The following PCSK5 variants were observed in gnomAD, a reference collection of about 807,000 sequenced individuals.
The protein encoded by PCSK5 is proprotein convertase subtilisin/kexin type 5, also known as prohormone convertase 5.
In PCSK5, 129 loss-of-function variants were observed where a neutral mutation model predicts 233.2. The observed-to-expected ratio is 0.55, with a 90% CI of 0.48 to 0.64. PCSK5 has a LOEUF of 0.64. PCSK5 is among the 30% of genes least tolerant of loss of function. The pLI is 0.00. For missense variants in PCSK5, 2,076 were observed against 2,430.1 expected (o/e 0.85, Z 3.06); for synonymous variants, 825 against 879.2 (o/e 0.94, Z 1.09).
chr9:76,031,672 G>C (rs1245694822), intron 5 of PCSK5, among the ~76,000 whole-genome samples: 1 of 152,194 alleles, frequency 6.6e-6, no homozygotes, highest in East Asian at 1.9e-4. Context: ...CTGGGCGAAA[G>C]AGCGAGACCC....
chr9:76,358,437 C>A (rs932718758), intron 37 of PCSK5, 76 bp from the exon 38 acceptor site: 4 of 1,154,104 alleles, frequency 3.5e-6, no homozygotes, highest in Non-Finnish European at 4.9e-6. Flanking sequence ...TTCTTTACCT[C>A]AGAAACTAAT....
chr9:76,137,676 A>T (rs908044729), intron 10 of PCSK5, among the ~76,000 whole-genome samples: 2 of 152,056 alleles, frequency 1.3e-5, no homozygotes, highest in Non-Finnish European at 2.9e-5. Context: ...AAATGGTATA[A>T]ATATCATGTA....
chr9:75,999,061 T>C (rs986394930), intron 3 of PCSK5, among the ~76,000 whole-genome samples: 24 of 152,178 alleles, frequency 1.6e-4, no homozygotes, highest in African/African-American at 5.8e-4. Context: ...CTTATTTATT[T>C]ATTTATTTTT....
intron 12 of PCSK5, among the ~76,000 whole-genome samples, chr9:76,163,074 G>T (rs1822938200): frequency 1.3e-5 from 2 of 152,254 alleles, no homozygotes; most frequent in African/African-American, 2.4e-5. Flanking sequence ...CCAGAGGACA[G>T]TGCTCTCCTT....
At chr9:76,246,171 G>A (rs780990667) in intron 24 of PCSK5, among the ~76,000 whole-genome samples, 50 of 151,568 alleles carry the variant, frequency 3.3e-4, no homozygotes, top group Non-Finnish European at 4.7e-4. Context: ...TGAAACCCCC[G>A]TCTCTACTAA....
intron 20 of PCSK5, among the ~76,000 whole-genome samples, chr9:76,209,915 A>G (rs531907739): frequency 1.4e-4 from 22 of 152,338 alleles, no homozygotes; most frequent in African/African-American, 5.0e-4. Flanking sequence ...AATTCTTCAC[A>G]GAGGAGGCTA....
At chr9:75,952,283 G>A (rs550022399) in intron 2 of PCSK5, among the ~76,000 whole-genome samples, 1 of 152,144 alleles carries the variant, frequency 6.6e-6, no homozygotes, top group South Asian at 2.1e-4. Context: ...TAAGCATAAG[G>A]TCTTTGAGTT....
rs568278634 is a variant in PCSK5, at chr9:76,073,378, C to CT, written c.894+1487dup. Among the ~76,000 whole-genome samples, 5 of 152,276 alleles carry CT rather than the reference C, an allele frequency of 3.3e-5. No homozygotes were observed. The East Asian group carries it at 5.8e-4, about 18-fold the overall frequency. ...AGTTCAGGTTTGGTTAAAACATTCA[C>CT]TTTTTTTAGCTCTTTGTCAATTTTC... On this transcript the variant is annotated intron_variant, in intron 7 of 37. Coordinates refer to ENST00000674117, the MANE Select transcript of PCSK5 (RefSeq NM_001372043.1).
chr9:76,092,432 C>T (rs1193966868), intron 7 of PCSK5, among the ~76,000 whole-genome samples: 1 of 152,176 alleles, frequency 6.6e-6, no homozygotes, highest in African/African-American at 2.4e-5. Flanking sequence ...TCTCTGAGCC[C>T]TGTTGCCCAG....
At chr9:76,297,009 C>T (rs185606646) in intron 27 of PCSK5, 144 bp downstream of exon 27, 3 of 628,432 alleles carry the variant, frequency 4.8e-6, no homozygotes, top group East Asian at 2.7e-5. Flanking sequence ...AAGTTGGGAT[C>T]GTTCCTGAGT....
chr9:76,058,897 C>G (rs1275800726), intron 5 of PCSK5, among the ~76,000 whole-genome samples: 3 of 152,078 alleles, frequency 2.0e-5, no homozygotes, highest in African/African-American at 7.2e-5. Context: ...GTAGGCCCAG[C>G]TACTTGGGAA....
intron 35 of PCSK5, among the ~76,000 whole-genome samples, chr9:76,345,235 CAG>C (rs1829945652): frequency 6.0e-5 from 9 of 150,188 alleles, no homozygotes; most frequent in Admixed American, 5.9e-4. Flanking sequence ...ATTTTTGCAA[CAG>C]AGTCTTACTC....
At chr9:76,253,499 A>T (rs1250970524) in intron 24 of PCSK5, among the ~76,000 whole-genome samples, 1 of 152,194 alleles carries the variant, frequency 6.6e-6, no homozygotes, top group Non-Finnish European at 1.5e-5. Context: ...AGAGAACACA[A>T]AGTTGGAAGA....
intron 3 of PCSK5, among the ~76,000 whole-genome samples, chr9:76,022,481 A>T: frequency 6.6e-6 from 1 of 152,188 alleles, no homozygotes; most frequent in East Asian, 1.9e-4. Context: ...GAATAGGGAA[A>T]GACCTGGGGT....
At chr9:76,218,029 A>G (rs1359610313) in intron 20 of PCSK5, among the ~76,000 whole-genome samples, 1 of 152,004 alleles carries the variant, frequency 6.6e-6, no homozygotes, top group Non-Finnish European at 1.5e-5. Context: ...GCCCCCACCC[A>G]CTCAGTGAAG....
chr9:76,016,377 G>T (rs1477682367), intron 3 of PCSK5, among the ~76,000 whole-genome samples: 1 of 152,226 alleles, frequency 6.6e-6, no homozygotes. Flanking sequence ...TGATTGGAAT[G>T]TAGTAAGTGA....
chr9:76,078,046 G>A (rs1830700002), intron 7 of PCSK5, among the ~76,000 whole-genome samples: 2 of 152,172 alleles, frequency 1.3e-5, no homozygotes, highest in Non-Finnish European at 2.9e-5. Flanking sequence ...GATTAGTGAT[G>A]TGGAAAATTT....
At chr9:76,166,098 A>C (rs2131834471) in intron 12 of PCSK5, among the ~76,000 whole-genome samples, 1 of 152,364 alleles carries the variant, frequency 6.6e-6, no homozygotes, top group South Asian at 2.1e-4. Flanking sequence ...AAAGGACGGA[A>C]TGAAACTAGC....
chr9:76,028,532 A>G (rs574176596), intron 5 of PCSK5, among the ~76,000 whole-genome samples: 1 of 152,116 alleles, frequency 6.6e-6, no homozygotes, highest in Non-Finnish European at 1.5e-5. Flanking sequence ...CCTGGGTGGG[A>G]TGGCAGAAAT....
Sources: allele counts gnomAD v4.1 joint callset (sites outside exome capture counted in the v4.1 genomes callset), GRCh38; gene constraint gnomAD v4.1.1; transcripts MANE v1.5; gene names NCBI Gene and HGNC (gene_info 2026-07-23, HGNC 2026-07-21).